CNTN4: variants seen among roughly 807,000 people sequenced by gnomAD.
CNTN4 encodes contactin-4.
CNTN4 carries 77 observed loss-of-function variants against 122.5 expected under a neutral mutation model. The ratio of observed to expected loss-of-function variants is 0.63; its 90% CI spans 0.52 to 0.76. CNTN4 has a LOEUF of 0.76. Ranked by LOEUF, CNTN4 falls within the 30% of genes least tolerant of loss-of-function variation. The pLI, the probability that CNTN4 is intolerant of heterozygous loss-of-function variation, is 0.00. For missense variants in CNTN4, 1,256 were observed against 1,259.1 expected (o/e 1.00, Z 0.04); for synonymous variants, 512 against 447.0 (o/e 1.15, Z -1.83).
In CNTN4 at chr3:2,778,558, A is replaced by T. The variant is rs1357716525; in HGVS notation, c.358+32861A>T. Among the ~76,000 whole-genome samples, 4 of 152,172 alleles carry T rather than the reference A, an allele frequency of 2.6e-5. No individual in the cohort carries two copies. In the East Asian group the frequency reaches 7.7e-4, roughly 29 times the overall value. On this transcript the variant is annotated intron_variant, in intron 6 of 24. Coordinates refer to ENST00000418658, the MANE Select transcript of CNTN4 (RefSeq NM_175607.3). ...GCTCTCACTCATATTCATTATAAAA[A>T]TTTTAATTTACTCTAACCATGACTA...
At chr3:2,552,014 A>G (rs1196630101) in intron 3 of CNTN4, among the ~76,000 whole-genome samples, 1 of 152,182 alleles carries the variant, frequency 6.6e-6, no homozygotes, top group Non-Finnish European at 1.5e-5. Context: ...TTTCATGAAA[A>G]CAAAACTATT....
At chr3:2,891,466 T>C (rs1426846253) in intron 10 of CNTN4, among the ~76,000 whole-genome samples, 2 of 152,044 alleles carry the variant, frequency 1.3e-5, no homozygotes, top group Admixed American at 6.6e-5. Flanking sequence ...AATAAATAAA[T>C]AATTTGATAT....
At chr3:2,632,812 G>C (rs1337979781) in intron 4 of CNTN4, among the ~76,000 whole-genome samples, 2 of 152,054 alleles carry the variant, frequency 1.3e-5, no homozygotes, top group Admixed American at 6.6e-5. Flanking sequence ...ATGAAGCTCA[G>C]GTGTGCCTCA....
intron 3 of CNTN4, among the ~76,000 whole-genome samples, chr3:2,466,906 T>A (rs1035691163): frequency 6.6e-6 from 1 of 151,974 alleles, no homozygotes; most frequent in African/African-American, 2.4e-5. Flanking sequence ...TTTGTTCTTT[T>A]AGCAAGACCT....
intron 3 of CNTN4, among the ~76,000 whole-genome samples, chr3:2,469,854 T>C (rs193182206): frequency 9.2e-4 from 140 of 152,350 alleles, no homozygotes; most frequent in African/African-American, 3.3e-3. Context: ...AACTTTTCAC[T>C]GTCTAATTTA....
chr3:2,130,656 A>C (rs2034407647), intron 2 of CNTN4, among the ~76,000 whole-genome samples: 1 of 152,162 alleles, frequency 6.6e-6, no homozygotes, highest in Admixed American at 6.5e-5. Context: ...CTCTAGTGTA[A>C]TTTCTGTGTT....
intron 4 of CNTN4, among the ~76,000 whole-genome samples, chr3:2,706,413 A>G (rs959150427): frequency 6.6e-6 from 1 of 152,186 alleles, no homozygotes; most frequent in African/African-American, 2.4e-5. Context: ...GCTCTAAAAT[A>G]TGAATCAGCA....
At chr3:2,936,768 A>G (rs571750488) in intron 13 of CNTN4, among the ~76,000 whole-genome samples, 36 of 152,206 alleles carry the variant, frequency 2.4e-4, no homozygotes, top group Non-Finnish European at 4.7e-4. Flanking sequence ...TGGCAAGCTG[A>G]GAATGGTTTT....
chr3:2,451,744 C>T (rs2048838252), intron 3 of CNTN4, among the ~76,000 whole-genome samples: 1 of 152,064 alleles, frequency 6.6e-6, no homozygotes, highest in African/African-American at 2.4e-5. Context: ...TTCATGGTCC[C>T]TTCATTATTG....
intron 4 of CNTN4, among the ~76,000 whole-genome samples, chr3:2,716,609 T>G (rs1192845663): frequency 6.6e-6 from 1 of 152,190 alleles, no homozygotes; most frequent in Non-Finnish European, 1.5e-5. Flanking sequence ...GGAGAAGAGA[T>G]ACACTCCATA....
At chr3:2,432,562 C>G (rs577784169) in intron 3 of CNTN4, among the ~76,000 whole-genome samples, 1 of 151,478 alleles carries the variant, frequency 6.6e-6, no homozygotes, top group South Asian at 2.1e-4. Flanking sequence ...TTTTTAAAGC[C>G]AAATAGTATT....
At chr3:3,029,685 G>C (rs951290113) in intron 15 of CNTN4, among the ~76,000 whole-genome samples, 1 of 152,124 alleles carries the variant, frequency 6.6e-6, no homozygotes, top group African/African-American at 2.4e-5. Flanking sequence ...GGACTATATG[G>C]GTTCAAATCC....
chr3:2,660,464 T>C (rs2083831059), intron 4 of CNTN4, among the ~76,000 whole-genome samples: 1 of 152,226 alleles, frequency 6.6e-6, no homozygotes, highest in African/African-American at 2.4e-5. Flanking sequence ...CTCTGCTTTT[T>C]TGAATCCAGA....
At chr3:2,718,020 C>T (rs150186837) in intron 4 of CNTN4, among the ~76,000 whole-genome samples, 1 of 151,988 alleles carries the variant, frequency 6.6e-6, no homozygotes, top group African/African-American at 2.4e-5. Flanking sequence ...GTTGTTTTAT[C>T]ATTATTGAGT....
intron 13 of CNTN4, among the ~76,000 whole-genome samples, chr3:2,940,795 G>A (rs2094608469): frequency 6.6e-6 from 1 of 152,152 alleles, no homozygotes; most frequent in African/African-American, 2.4e-5. Flanking sequence ...AATAATATGA[G>A]AGTCAAGGTC....
chr3:2,474,457 G>C (rs773357889), intron 3 of CNTN4, among the ~76,000 whole-genome samples: 1 of 151,990 alleles, frequency 6.6e-6, no homozygotes, highest in Admixed American at 6.6e-5. Flanking sequence ...AAAACATTTC[G>C]CTTTCATTAT....
intron 3 of CNTN4, among the ~76,000 whole-genome samples, chr3:2,486,552 A>G (rs909762463): frequency 6.6e-6 from 1 of 152,220 alleles, no homozygotes; most frequent in South Asian, 2.1e-4. Flanking sequence ...ATATTTATTG[A>G]AGTCTACTGT....
intron 2 of CNTN4, among the ~76,000 whole-genome samples, chr3:2,250,149 A>G (rs909654915): frequency 1.3e-5 from 2 of 151,968 alleles, no homozygotes; most frequent in African/African-American, 2.4e-5. Flanking sequence ...TAACTTTTCT[A>G]TGTAAAATCA....
At chr3:2,117,703 G>T (rs2033456553) in intron 2 of CNTN4, among the ~76,000 whole-genome samples, 1 of 152,200 alleles carries the variant, frequency 6.6e-6, no homozygotes, top group Admixed American at 6.5e-5. Context: ...AGGAAATGGG[G>T]TGTAGGACAA....
Sources: gnomAD v4.1 joint callset for allele counts (sites outside exome capture counted in the v4.1 genomes callset) on GRCh38, gnomAD v4.1.1 for gene constraint, MANE v1.5 for transcripts, NCBI Gene and HGNC (gene_info 2026-07-23, HGNC 2026-07-21) for gene names.